The following USP4 variants were observed in gnomAD, a reference collection of about 807,000 sequenced individuals.
The protein encoded by USP4 is ubiquitin carboxyl-terminal hydrolase 4.
A neutral mutation model predicts 118.2 loss-of-function variants in USP4; 72 were observed. That is an observed-to-expected ratio of 0.61 (90% CI 0.50 to 0.74). USP4 has a LOEUF of 0.74. Ranked by LOEUF, USP4 falls within the 30% of genes least tolerant of loss-of-function variation. The probability of loss-of-function intolerance (pLI) is 0.00; values close to 1 mark genes in which losing one functional copy is unlikely to be tolerated. For synonymous variants in USP4, 415 were observed against 440.4 expected, an observed-to-expected ratio of 0.94 and a Z score of 0.72; for missense variants, 1,037 against 1,185.7, an observed-to-expected ratio of 0.87 and a Z score of 1.84.
chr3:49,307,384 C>A (rs2047329969), intron 8 of USP4, among the ~76,000 whole-genome samples: 1 of 151,190 alleles, frequency 6.6e-6, no homozygotes, highest in African/African-American at 2.4e-5. Flanking sequence ...CCACTGCACT[C>A]CAGACTGGGC....
intron 14 of USP4, chr3:49,293,677 A>G (rs2047174723): frequency 6.8e-6 from 1 of 146,158 alleles, no homozygotes; most frequent in Admixed American, 6.9e-5. Context: ...TCTCGGAAGG[A>G]AAAAAAAAAA....
intron 8 of USP4, among the ~76,000 whole-genome samples, chr3:49,308,723 A>G (rs1253083154): frequency 6.6e-6 from 1 of 150,824 alleles, no homozygotes; most frequent in Non-Finnish European, 1.5e-5. Context: ...TTACACATCA[A>G]TGCCAGGAAA....
At chr3:49,307,174 G>GT (rs891612645) in intron 8 of USP4, among the ~76,000 whole-genome samples, 24 of 152,156 alleles carry the variant, frequency 1.6e-4, no homozygotes, top group Non-Finnish European at 3.1e-4. Flanking sequence ...TAGGCCAGGT[G>GT]TGGTAGTTCA....
chr3:49,320,688 A>C (rs947812050), intron 6 of USP4, among the ~76,000 whole-genome samples: 1 of 152,162 alleles, frequency 6.6e-6, no homozygotes, highest in African/African-American at 2.4e-5. Context: ...AGTGATTCTA[A>C]TGCTGTTATT....
chr3:49,306,492 C>T (rs551067383), intron 8 of USP4, among the ~76,000 whole-genome samples: 80 of 152,076 alleles, frequency 5.3e-4, no homozygotes, highest in South Asian at 6.2e-4. Context: ...CGTGAGCCAC[C>T]GCGCCCAGCC....
chr3:49,314,847 A>C (rs2047419514), intron 6 of USP4, among the ~76,000 whole-genome samples: 1 of 152,152 alleles, frequency 6.6e-6, no homozygotes, highest in Non-Finnish European at 1.5e-5. Flanking sequence ...CAACATGGCA[A>C]GACCCTGTCT....
intron 1 of USP4, 100 bp from the exon 2 acceptor site, chr3:49,335,696 A>G: frequency 1.5e-6 from 2 of 1,375,640 alleles, no homozygotes; most frequent in South Asian, 1.2e-5. Context: ...CTTGGGGCAT[A>G]TGCAATACCC....
intron 2 of USP4, among the ~76,000 whole-genome samples, chr3:49,332,615 G>T (rs778423180): frequency 5.3e-5 from 8 of 151,916 alleles, no homozygotes; most frequent in Non-Finnish European, 1.0e-4. Flanking sequence ...TTGAGAGGCC[G>T]AGGCAGGCGG....
At chr3:49,288,487 C>T (rs966816451) in intron 15 of USP4, among the ~76,000 whole-genome samples, 1 of 151,998 alleles carries the variant, frequency 6.6e-6, no homozygotes, top group African/African-American at 2.4e-5. Context: ...CCAGCCTGAG[C>T]AACATGGTGA....
intron 15 of USP4, among the ~76,000 whole-genome samples, chr3:49,288,085 A>G (rs1051626340): frequency 1.3e-5 from 2 of 152,220 alleles, no homozygotes; most frequent in African/African-American, 4.8e-5. Context: ...GCTATTTAAG[A>G]GCCCACAACC....
rs2047102328 is a variant in USP4, at chr3:49,287,085, C to T, written c.1973-760G>A. On this transcript the variant is annotated intron_variant, in intron 15 of 21. Transcript: ENST00000265560. ...CAGGCTGGTCTCGAACTCCTGACCT[C>T]AGATGATCCACCGGCCTTGGCCTCC... Among the ~76,000 whole-genome samples the T allele has an allele frequency of 2.6e-5, 4 of 152,110 alleles. No homozygotes were observed. In the South Asian group the frequency reaches 8.3e-4, roughly 31 times the overall value.
chr3:49,332,776 T>C (rs2107804670), intron 2 of USP4, among the ~76,000 whole-genome samples: 1 of 152,160 alleles, frequency 6.6e-6, no homozygotes, highest in South Asian at 2.1e-4. Context: ...ACACCTGTAA[T>C]CCCAGCACTC....
At chr3:49,309,941 A>ATATTTTTTTT (rs2047365541) in intron 8 of USP4, among the ~76,000 whole-genome samples, 2 of 15,398 alleles carry the variant, frequency 1.3e-4, no homozygotes, top group African/African-American at 3.1e-4. Flanking sequence ...CTTTTTTTTA[A>ATATTTTTTTT]TCTTTTTTTT....
intron 2 of USP4, 131 bp from the exon 3 acceptor site, chr3:49,327,947 C>T: frequency 1.2e-6 from 1 of 809,956 alleles, no homozygotes; most frequent in South Asian, 1.9e-5. Flanking sequence ...TTCCAAAATT[C>T]TGTCACTGGT....
At chr3:49,317,296 C>T in intron 6 of USP4, 1 of 1,483,390 alleles carries the variant, frequency 6.7e-7, no homozygotes, top group African/African-American at 1.4e-5. Context: ...CTCGTTGACG[C>T]AGGCCAGCTT....
intron 8 of USP4, among the ~76,000 whole-genome samples, chr3:49,307,627 T>C (rs1339807191): frequency 1.3e-5 from 2 of 151,938 alleles, no homozygotes; most frequent in East Asian, 3.9e-4. Flanking sequence ...CATTGCTGGT[T>C]TGCTTACCAC....
rs190178837 is a variant in USP4 at position 49,288,122 on chromosome 3, G to C, written c.1973-1797C>G. Among the ~76,000 whole-genome samples, 309 of 152,282 alleles carry C rather than the reference G, an allele frequency of 2.0e-3. 2 individuals are homozygous for C. Among genetic ancestry groups the C allele is most frequent in the Admixed American group, 9.9e-3 (151 of 15,286 alleles). ...CTGGCTCTCATGGAGGTTCCTTTCC[G>C]AACTTGCTTAATTCCTGAGATATGA... On this transcript the variant is annotated intron_variant, in intron 15 of 21. Transcript: ENST00000265560.
At chr3:49,326,691 G>T (rs1012096191) in intron 3 of USP4, among the ~76,000 whole-genome samples, 1 of 136,726 alleles carries the variant, frequency 7.3e-6, no homozygotes, top group Non-Finnish European at 1.6e-5. Context: ...CACCATGCAC[G>T]GCCTGATCAA....
chr3:49,298,509 A>C, intron 12 of USP4, 43 bp downstream of exon 12: 1 of 1,590,638 alleles, frequency 6.3e-7, no homozygotes, highest in Non-Finnish European at 8.6e-7. Context: ...AATGCTATGA[A>C]GTATCCCAAA....
Sources: allele counts gnomAD v4.1 joint callset (sites outside exome capture counted in the v4.1 genomes callset), GRCh38; gene constraint gnomAD v4.1.1; transcripts MANE v1.5; gene names NCBI Gene and HGNC (gene_info 2026-07-23, HGNC 2026-07-21).